The following QKI variants were observed in gnomAD, a reference collection of about 807,000 sequenced individuals.
QKI encodes KH domain-containing RNA-binding protein QKI.
Under a neutral mutation model 39.0 loss-of-function variants are expected in QKI, and 10 were observed. The ratio of observed to expected loss-of-function variants is 0.26; its 90% confidence interval spans 0.16 to 0.43. QKI has a LOEUF of 0.43. QKI is among the 20% of genes least tolerant of loss of function. The pLI is 1.00. For missense variants in QKI, 218 were observed against 428.0 expected (o/e 0.51, Z 4.33); for synonymous variants, 204 against 155.4 (o/e 1.31, Z -2.33).
At chr6:163,490,947 A>G (rs868814904) in intron 3 of QKI, among the ~76,000 whole-genome samples, 16 of 152,314 alleles carry the variant, frequency 1.1e-4, no homozygotes, top group Middle Eastern at 6.8e-3. Context: ...CTTAAACTTT[A>G]GAGACTTTGA....
intron 4 of QKI, among the ~76,000 whole-genome samples, chr6:163,539,945 CTA>C (rs2128242632): frequency 6.6e-6 from 1 of 151,620 alleles, no homozygotes; most frequent in African/African-American, 2.4e-5. Flanking sequence ...GTTCTTATAA[CTA>C]TTTGTTATTT....
At chr6:163,510,649 A>T (rs934406602) in intron 3 of QKI, among the ~76,000 whole-genome samples, 1 of 152,206 alleles carries the variant, frequency 6.6e-6, no homozygotes, top group Admixed American at 6.5e-5. Flanking sequence ...AGAAAACAGT[A>T]AAAGATTGAA....
chr6:163,422,701 G>A (rs1388671974), intron 1 of QKI, among the ~76,000 whole-genome samples: 13 of 152,218 alleles, frequency 8.5e-5, no homozygotes, highest in Admixed American at 8.5e-4. Flanking sequence ...GTGAAGACAT[G>A]CAGTGAATGT....
At chr6:163,447,183 T>A (rs1790219777) in intron 1 of QKI, among the ~76,000 whole-genome samples, 1 of 151,984 alleles carries the variant, frequency 6.6e-6, no homozygotes, top group Non-Finnish European at 1.5e-5. Flanking sequence ...GTTTCTTTTA[T>A]TTTTTTGATT....
At chr6:163,550,212 C>T (rs1196650425) in intron 4 of QKI, among the ~76,000 whole-genome samples, 3 of 152,106 alleles carry the variant, frequency 2.0e-5, no homozygotes, top group Non-Finnish European at 2.9e-5. Flanking sequence ...CTGGTGGGGA[C>T]TCTGCAGTGT....
intron 3 of QKI, among the ~76,000 whole-genome samples, chr6:163,520,731 C>G (rs772277053): frequency 2.0e-5 from 3 of 151,980 alleles, no homozygotes; most frequent in Non-Finnish European, 4.4e-5. Context: ...CAGTCTTACC[C>G]AAAGGAAGTG....
intron 4 of QKI, among the ~76,000 whole-genome samples, chr6:163,549,335 C>A (rs1029114724): frequency 6.6e-6 from 1 of 152,088 alleles, no homozygotes; most frequent in Non-Finnish European, 1.5e-5. Flanking sequence ...TGTGAACATC[C>A]CAGAGAAAGT....
At chr6:163,565,215 T>C (rs559410204) in intron 6 of QKI, 2 of 988,898 alleles carry the variant, frequency 2.0e-6, no homozygotes, top group Admixed American at 5.9e-5. Flanking sequence ...GTAACCTTGT[T>C]GTTTAAGTTT....
intron 1 of QKI, among the ~76,000 whole-genome samples, chr6:163,420,536 TAGG>T (rs1787914361): frequency 6.6e-6 from 1 of 152,132 alleles, no homozygotes; most frequent in Non-Finnish European, 1.5e-5. Flanking sequence ...GGGCCTATGT[TAGG>T]AGGTCACACA....
Position 163,468,559 on chromosome 6 carries a change from G to A in QKI, c.286-10221G>A, listed in dbSNP as rs532954167. ...ATCATTTCCATTTAAAATGAAGTGT[G>A]AGCAGCAATGAACAGCATTAGACAT... is the stretch of plus-strand genomic sequence containing the variant. On this transcript the variant is annotated intron_variant, in intron 2 of 7. Coordinates refer to ENST00000361752, the MANE Select transcript of QKI (RefSeq NM_006775.3). 1.7e-3 allele frequency among the ~76,000 whole-genome samples: 255 copies of A among 152,276 alleles called. 4 individuals carry two copies. The highest frequency in any genetic ancestry group is 3.7e-4 in the Non-Finnish European group (25 of 68,010).
chr6:163,480,592 G>A (rs539574583), intron 3 of QKI, among the ~76,000 whole-genome samples: 1 of 152,200 alleles, frequency 6.6e-6, no homozygotes, highest in South Asian at 2.1e-4. Context: ...CTTGTCAACT[G>A]TGTTTAAAGA....
intron 1 of QKI, among the ~76,000 whole-genome samples, chr6:163,438,966 C>A (rs901614693): frequency 5.3e-5 from 8 of 151,888 alleles, no homozygotes; most frequent in African/African-American, 1.9e-4. Context: ...TTCTTTATAT[C>A]CTTATTCTAT....
At chr6:163,499,672 T>C (rs565329180) in intron 3 of QKI, among the ~76,000 whole-genome samples, 108 of 152,292 alleles carry the variant, frequency 7.1e-4, no homozygotes, top group Admixed American at 5.0e-3. Context: ...TTCTAAAAAA[T>C]CAAGCTATCT....
At chr6:163,486,425 C>T (rs1218130002) in intron 3 of QKI, among the ~76,000 whole-genome samples, 1 of 152,142 alleles carries the variant, frequency 6.6e-6, no homozygotes, top group Non-Finnish European at 1.5e-5. Context: ...TTATTAGAGT[C>T]ATATTGTATA....
At chr6:163,487,684 C>A (rs1777766734) in intron 3 of QKI, among the ~76,000 whole-genome samples, 1 of 151,984 alleles carries the variant, frequency 6.6e-6, no homozygotes, top group Admixed American at 6.6e-5. Flanking sequence ...TGGTGTTTAA[C>A]ATTTATCTCT....
At chr6:163,442,818 G>A (rs1789857932) in intron 1 of QKI, among the ~76,000 whole-genome samples, 4 of 152,092 alleles carry the variant, frequency 2.6e-5, no homozygotes, top group Non-Finnish European at 5.9e-5. Flanking sequence ...CATTACCAGG[G>A]TTTTTGTTGG....
rs564236975 is a variant in QKI, at chr6:163,508,445, C to A, written c.403-26537C>A. On this transcript the variant is annotated intron_variant, in intron 3 of 7. Transcript: ENST00000361752. ...GAACAATGATATGATTAATTGCTCA[C>A]TTCTTATCAGAACATGGTAGAGAGC... 2.0e-5 allele frequency among the ~76,000 whole-genome samples: 3 copies of A among 152,122 alleles called. No homozygotes were observed. In the South Asian group the frequency reaches 6.2e-4, roughly 32 times the overall value.
intron 4 of QKI, among the ~76,000 whole-genome samples, chr6:163,538,648 G>T (rs1781340905): frequency 6.6e-6 from 1 of 152,208 alleles, no homozygotes; most frequent in African/African-American, 2.4e-5. Context: ...TATTTCAAAG[G>T]ATCATTCCAG....
chr6:163,490,303 C>A (rs1303436170), intron 3 of QKI, among the ~76,000 whole-genome samples: 1 of 152,206 alleles, frequency 6.6e-6, no homozygotes, highest in African/African-American at 2.4e-5. Flanking sequence ...TAATTTAATA[C>A]AATCTGCGGC....
Sources: gnomAD v4.1 joint callset for allele counts (sites outside exome capture counted in the v4.1 genomes callset) on GRCh38, gnomAD v4.1.1 for gene constraint, MANE v1.5 for transcripts, NCBI Gene and HGNC (gene_info 2026-07-23, HGNC 2026-07-21) for gene names.